Variants in NBR1 observed in about 807,000 individuals in gnomAD.
The protein encoded by NBR1 is NBR1 autophagy cargo receptor, also known as next to BRCA1 gene 1 protein.
NBR1 carries 59 observed loss-of-function variants against 115.5 expected under a neutral mutation model. The ratio of observed to expected loss-of-function variants is 0.51; its 90% CI spans 0.41 to 0.63. NBR1 has a LOEUF of 0.63. Among genes scored for constraint, NBR1 ranks in the 30% least tolerant of loss-of-function variants. The pLI is 0.00. For synonymous variants in NBR1, 373 were observed against 414.7 expected (o/e 0.90, Z 1.22); for missense variants, 1,043 against 1,150.5 (o/e 0.91, Z 1.35).
At chr17:43,172,479 A>T (rs1251010533) in intron 1 of NBR1, among the ~76,000 whole-genome samples, 5 of 152,188 alleles carry the variant, frequency 3.3e-5, no homozygotes, top group Non-Finnish European at 5.9e-5. Context: ...GGAAAGTGAT[A>T]TTTCAGAATA....
rs2056896301 is a variant in NBR1, at chr17:43,189,641, T to C, written c.534T>C (p.His178=). The C allele has an allele frequency of 6.2e-7, 1 of 1,613,918 alleles. No homozygotes were observed. The highest frequency in any genetic ancestry group is 1.7e-5 in the Admixed American group (1 of 60,000). ...TTGAGAAGCTTGAACAGAAATTACA[T>C]GAAAAGCTTGTCCTCCAGAACCCAT... The part of the protein sequence containing the change: ...ETVEKLEQKL[H]EKLVLQNPSL... The change falls in exon 8 of 21, where the codon CAT becomes CAC. Residue 178 remains histidine, a synonymous_variant. Coordinates refer to ENST00000590996, the MANE Select transcript of NBR1 (RefSeq NM_005899.5).
chr17:43,190,405 G>A, intron 8 of NBR1: 1 of 570,630 alleles, frequency 1.8e-6, no homozygotes, highest in Non-Finnish European at 3.1e-6. Flanking sequence ...TCCTCCCATA[G>A]ATTTTCATTT....
chr17:43,192,393 G>GA (rs2056969504), intron 10 of NBR1, among the ~76,000 whole-genome samples: 1 of 150,984 alleles, frequency 6.6e-6, no homozygotes, highest in Non-Finnish European at 1.5e-5. Context: ...ACGGAGTCTT[G>GA]GAGTCTCGCC....
intron 6 of NBR1, among the ~76,000 whole-genome samples, chr17:43,187,575 C>G (rs2056846869): frequency 8.0e-6 from 1 of 124,592 alleles, no homozygotes; most frequent in African/African-American, 3.1e-5. Context: ...GTGGCGTGAT[C>G]TTGGCTCACT....
At position 43,175,897 on chromosome 17, in the gene NBR1, C is replaced by A. The variant is rs754225893; in HGVS notation, c.98C>A (p.Ala33Asp). The A allele has an allele frequency of 1.3e-6, 2 of 1,551,658 alleles. No individual in the cohort carries two copies. Among genetic ancestry groups the A allele is most frequent in the Non-Finnish European group, 1.8e-6 (2 of 1,125,880 alleles). The change falls in exon 2 of 21, where the codon GCT becomes GAT. Residue 33 changes from alanine to aspartate, a missense_variant. Ala to Asp is a moderately radical substitution (Grantham distance 126, BLOSUM62 -2). Coordinates refer to ENST00000590996, the MANE Select transcript of NBR1 (RefSeq NM_005899.5). ...PENTTWADIE[A>D]MVKVSFDLNT... ...AATACAACTTGGGCTGATATCGAAG[C>A]TATGGTGAGTGTTACTTTATTTTGT...
chr17:43,185,277 AT>A (rs1396565189), intron 5 of NBR1, among the ~76,000 whole-genome samples: 1 of 152,156 alleles, frequency 6.6e-6, no homozygotes, highest in Admixed American at 6.6e-5. Flanking sequence ...ATGACAAAAA[AT>A]TTTTTAAATT....
intron 6 of NBR1, among the ~76,000 whole-genome samples, chr17:43,187,502 CTTTTT>C (rs71160025): frequency 1.5e-5 from 1 of 68,834 alleles, no homozygotes; most frequent in South Asian, 5.9e-4. Flanking sequence ...TATTTCCTGA[CTTTTT>C]TTTTTTTTTT....
intron 2 of NBR1, among the ~76,000 whole-genome samples, chr17:43,177,507 T>C (rs1277783279): frequency 6.6e-6 from 1 of 151,352 alleles, no homozygotes; most frequent in Non-Finnish European, 1.5e-5. Context: ...TCCTGAAGTT[T>C]TGACAACACT....
chr17:43,202,150 A>G (rs1298313383), intron 18 of NBR1, among the ~76,000 whole-genome samples: 2 of 138,238 alleles, frequency 1.4e-5, no homozygotes, highest in African/African-American at 2.6e-5. Context: ...ATTGCTCTCC[A>G]GCCCGGGCAA....
chr17:43,202,985 A>G (rs2057237093), intron 19 of NBR1, among the ~76,000 whole-genome samples: 1 of 152,042 alleles, frequency 6.6e-6, no homozygotes, highest in East Asian at 1.9e-4. Context: ...GCGAAACCCC[A>G]TGTCTACTAA....
intron 2 of NBR1, 41 bp downstream of exon 2, chr17:43,175,942 G>A: frequency 8.5e-7 from 1 of 1,175,598 alleles, no homozygotes; most frequent in Non-Finnish European, 1.2e-6. Flanking sequence ...GTTTAAGCAT[G>A]GTTATTTTTT....
chr17:43,174,429 C>T (rs1175640302), intron 1 of NBR1, among the ~76,000 whole-genome samples: 1 of 152,024 alleles, frequency 6.6e-6, no homozygotes, highest in East Asian at 1.9e-4. Flanking sequence ...AACCCCGTCT[C>T]TACTAAAAAT....
In NBR1 at chr17:43,209,942, T is replaced by C; in HGVS notation, c.2769T>C (p.His923=). ...SEDQTAALMA[H]LFEMGFCDRQ... is the part of the protein sequence containing the mutation. ...ATCAGACAGCAGCCCTGATGGCCCA[T>C]CTCTTTGAAATGGGATTCTGTGACA... Residue 923 remains histidine, a synonymous_variant, in exon 21 of 21, where the codon CAT becomes CAC. Coordinates refer to ENST00000590996, the MANE Select transcript of NBR1 (RefSeq NM_005899.5). 1.2e-6 allele frequency: 2 copies of C among 1,606,708 alleles called. No individual in the cohort carries two copies. Among genetic ancestry groups the C allele is most frequent in the Non-Finnish European group, 1.7e-6 (2 of 1,176,484 alleles).
chr17:43,189,311 G>C (rs2056890055), intron 7 of NBR1, among the ~76,000 whole-genome samples, 192 bp downstream of exon 7: 1 of 152,186 alleles, frequency 6.6e-6, no homozygotes, highest in African/African-American at 2.4e-5. Context: ...GAAAAAGAGG[G>C]AGTCTAATTC....
chr17:43,191,558 C>G lies in NBR1; in HGVS notation c.1050C>G (p.Ser350Arg). ...SPKSPLGRPE[S>R]LLQSNTLMLP... ...AGTCTCCTTTAGGCCGACCTGAGAGCTTGCTCCAGTCTAATACCCTGATGT... is the reference window on the plus strand; with the variant it reads ...AGTCTCCTTTAGGCCGACCTGAGAGGTTGCTCCAGTCTAATACCCTGATGT... Residue 350 changes from serine to arginine, a missense_variant, in exon 10 of 21, where the codon AGC (serine) becomes AGG (arginine). Ser to Arg is a moderately radical substitution (Grantham distance 110). Coordinates refer to ENST00000590996, the MANE Select transcript of NBR1 (RefSeq NM_005899.5). 6.2e-7 allele frequency: 1 copy of G among 1,612,324 alleles called. No homozygotes were observed. Among genetic ancestry groups the G allele is most frequent in the East Asian group, 2.2e-5 (1 of 44,858 alleles).
chr17:43,206,021 T>C (rs907637460), intron 20 of NBR1, among the ~76,000 whole-genome samples: 1 of 148,726 alleles, frequency 6.7e-6, no homozygotes, highest in Non-Finnish European at 1.5e-5. Flanking sequence ...CTACTAAAAA[T>C]ACAAAAATTA....
At chr17:43,197,531 AG>A in intron 16 of NBR1, among the ~76,000 whole-genome samples, 1 of 151,902 alleles carries the variant, frequency 6.6e-6, no homozygotes, top group South Asian at 2.1e-4. Context: ...AAAAAAAAAA[AG>A]AAATTCTGAT....
At chr17:43,189,872 T>A in intron 8 of NBR1, 70 bp downstream of exon 8, 1 of 1,339,568 alleles carries the variant, frequency 7.5e-7, no homozygotes, top group Non-Finnish European at 1.1e-6. Flanking sequence ...GCTTTCTGTG[T>A]AGGTAAAGGG....
At chr17:43,199,271 C>T (rs1197801734) in intron 16 of NBR1, among the ~76,000 whole-genome samples, 6 of 151,034 alleles carry the variant, frequency 4.0e-5, no homozygotes, top group African/African-American at 7.3e-5. Context: ...GATGGGATTT[C>T]GCCACGTTGC....
Sources: gnomAD v4.1 joint callset for allele counts (sites outside exome capture counted in the v4.1 genomes callset) on GRCh38, gnomAD v4.1.1 for gene constraint, MANE v1.5 for transcripts, NCBI Gene and HGNC (gene_info 2026-07-23, HGNC 2026-07-21) for gene names.